CACNA1A: variants seen among roughly 807,000 people sequenced by gnomAD.
CACNA1A encodes the protein voltage-dependent P/Q-type calcium channel subunit alpha-1A.
In CACNA1A, 57 loss-of-function variants were observed where a neutral mutation model predicts 262.4. The ratio of observed to expected loss-of-function variants is 0.22; its 90% CI spans 0.18 to 0.27. The LOEUF is 0.27. CACNA1A is among the 10% of genes least tolerant of loss of function. CACNA1A has a pLI of 1.00. For synonymous variants in CACNA1A, 1,431 were observed against 1,419.3 expected (o/e 1.01, Z -0.18); for missense variants, 2,526 against 3,562.8 (o/e 0.71, Z 7.41).
intron 14 of CACNA1A, 104 bp from the exon 15 acceptor site, chr19:13,307,958 G>T: frequency 7.2e-7 from 1 of 1,389,648 alleles, no homozygotes; most frequent in Non-Finnish European, 1.0e-6. Context: ...CATCATCTCT[G>T]TCCCCAGGAA....
At chr19:13,397,050 G>A (rs1325077162) in intron 3 of CACNA1A, among the ~76,000 whole-genome samples, 1 of 152,112 alleles carries the variant, frequency 6.6e-6, no homozygotes, top group Non-Finnish European at 1.5e-5. Context: ...TCTTTAAGGA[G>A]TCTCTTCATG....
intron 22 of CACNA1A, among the ~76,000 whole-genome samples, chr19:13,282,255 C>A (rs574906622): frequency 4.6e-5 from 7 of 152,158 alleles, no homozygotes; most frequent in Non-Finnish European, 1.0e-4. Flanking sequence ...TGGGTCCTAA[C>A]CTACTTAGCC....
rs1158123738 is a variant in CACNA1A at position 13,209,367 on chromosome 19, G to A, written c.6471C>T (p.Asp2157=). The change falls in exon 45 of 47, where the codon GAC becomes GAT. Residue 2157 remains aspartate, a synonymous_variant. Transcript: ENST00000360228. ...AGCGCTCAGAGGCGCGGTGGCTGCG[G>A]TCGCGGCGCCGCTGGTGGTGCCGCT... ...ENQRHHQRRR[D]RSHRASERSL... 2.2e-6 allele frequency: 3 copies of A among 1,393,544 alleles called. No individual in the cohort carries two copies. Among genetic ancestry groups the A allele is most frequent in the Non-Finnish European group, 2.8e-6 (3 of 1,069,672 alleles). The allele number at this position is 1,393,544 out of a possible 1,614,324, so 86.3% of individuals were successfully genotyped here. A position where few individuals can be genotyped will look rare whatever the true frequency, so the allele number is the denominator to read the frequency against.
At chr19:13,461,420 G>A (rs2061122634) in intron 1 of CACNA1A, among the ~76,000 whole-genome samples, 1 of 152,092 alleles carries the variant, frequency 6.6e-6, no homozygotes, top group Non-Finnish European at 1.5e-5. Context: ...GGGGACATGG[G>A]TCCTGCTGCC....
chr19:13,284,832 T>A (rs573884885), intron 21 of CACNA1A, among the ~76,000 whole-genome samples: 1 of 152,250 alleles, frequency 6.6e-6, no homozygotes, highest in Non-Finnish European at 1.5e-5. Context: ...TTATTTATTG[T>A]CATAAATAAC....
intron 11 of CACNA1A, chr19:13,316,267 G>A (rs2058125137): frequency 6.8e-6 from 1 of 146,166 alleles, no homozygotes; most frequent in African/African-American, 2.6e-5. Context: ...CCCAGTCGCT[G>A]CTCTTGTTGA....
At chr19:13,467,572 G>C (rs2061271244) in intron 1 of CACNA1A, among the ~76,000 whole-genome samples, 1 of 151,122 alleles carries the variant, frequency 6.6e-6, no homozygotes, top group African/African-American at 2.4e-5. Context: ...GAAGTTGCTG[G>C]ATGTCAGAGG....
At chr19:13,351,349 T>C (rs1461164791) in intron 6 of CACNA1A, among the ~76,000 whole-genome samples, 1 of 152,218 alleles carries the variant, frequency 6.6e-6, no homozygotes, top group Non-Finnish European at 1.5e-5. Flanking sequence ...TATTTACTTA[T>C]GTGTTTATTT....
chr19:13,219,627 TGCCCAG>T (rs1402488707), intron 38 of CACNA1A, among the ~76,000 whole-genome samples: 1 of 152,122 alleles, frequency 6.6e-6, no homozygotes, highest in Admixed American at 6.6e-5. Flanking sequence ...TAGGGACCAT[TGCCCAG>T]GCTATGAAGG....
intron 6 of CACNA1A, among the ~76,000 whole-genome samples, chr19:13,344,573 A>G (rs1209260412): frequency 6.6e-6 from 1 of 152,086 alleles, no homozygotes; most frequent in African/African-American, 2.4e-5. Flanking sequence ...CAACTTATGC[A>G]TTTCAAGATT....
In CACNA1A at chr19:13,387,100, C is replaced by T. The variant is rs577171790; in HGVS notation, c.540-15321G>A. Among the ~76,000 whole-genome samples the T allele has an allele frequency of 5.9e-5, 9 of 152,078 alleles. No individual in the cohort carries two copies. In the South Asian group the frequency reaches 6.2e-4, roughly 11 times the overall value. Reference sequence around the variant, plus strand: ...CCGAGTAGCTGGGACTACAGGCGTGCGCCACCACGCCTGGCTAATTTTTGT... The same window carrying T: ...CCGAGTAGCTGGGACTACAGGCGTGTGCCACCACGCCTGGCTAATTTTTGT... On this transcript the variant is annotated intron_variant, in intron 3 of 46. Transcript: ENST00000360228.
intron 34 of CACNA1A, among the ~76,000 whole-genome samples, chr19:13,234,417 T>C (rs1222164311): frequency 2.0e-5 from 3 of 150,882 alleles, no homozygotes; most frequent in Non-Finnish European, 4.4e-5. Flanking sequence ...AAGGAACTTT[T>C]GTGTGCAGCC....
At chr19:13,255,784 C>T (rs527390835) in intron 28 of CACNA1A, among the ~76,000 whole-genome samples, 4 of 108,252 alleles carry the variant, frequency 3.7e-5, no homozygotes, top group Non-Finnish European at 5.7e-5. Flanking sequence ...TCCTTTCCTT[C>T]CTTCCTCCCT....
intron 3 of CACNA1A, among the ~76,000 whole-genome samples, chr19:13,409,386 G>T (rs1397000578): frequency 6.6e-6 from 1 of 152,068 alleles, no homozygotes; most frequent in Non-Finnish European, 1.5e-5. Flanking sequence ...CTGTGTGTGT[G>T]TGTGTGTGTG....
At chr19:13,339,897 G>GAAAT (rs1314142377) in intron 6 of CACNA1A, among the ~76,000 whole-genome samples, 5 of 152,126 alleles carry the variant, frequency 3.3e-5, no homozygotes, top group African/African-American at 1.2e-4. Context: ...AACGAGCTCA[G>GAAAT]AAATGCCAAT....
intron 3 of CACNA1A, among the ~76,000 whole-genome samples, chr19:13,412,996 A>G (rs1482168158): frequency 6.6e-6 from 1 of 152,082 alleles, no homozygotes; most frequent in African/African-American, 2.4e-5. Context: ...CACGCCTGTA[A>G]TCCCAAGGCT....
chr19:13,455,131 G>T lies in CACNA1A; in HGVS notation c.375C>A (p.Asp125Glu). 6.2e-7 allele frequency: 1 copy of T among 1,610,198 alleles called. No individual in the cohort carries two copies. The highest frequency in any genetic ancestry group is 2.2e-5 in the East Asian group (1 of 44,850). The part of the protein sequence containing the change: ...LALEQHLPDD[D>E]KTPMSERLDD... ...CCAGCCGTTCAGACATCGGGGTCTT[G>T]TCATCATCAGGCAGATGCTGCTCCA... Residue 125 changes from aspartate to glutamate, a missense_variant, in exon 2 of 47, where the codon GAC becomes GAA. Coordinates refer to ENST00000360228, the MANE Select transcript of CACNA1A (RefSeq NM_001127222.2).
chr19:13,397,743 G>C (rs1309336029), intron 3 of CACNA1A, among the ~76,000 whole-genome samples: 1 of 152,224 alleles, frequency 6.6e-6, no homozygotes, highest in African/African-American at 2.4e-5. Flanking sequence ...CGCCATGTAA[G>C]CTCTAGCCAG....
chr19:13,308,399 G>A lies in CACNA1A; in HGVS notation c.1781+17C>T, dbSNP rs1401119153. The A allele has an allele frequency of 1.8e-5, 28 of 1,591,856 alleles. No homozygotes were observed. Among genetic ancestry groups the A allele is most frequent in the Non-Finnish European group, 2.3e-5 (27 of 1,164,204 alleles). ...CCCCACCCCCTGTACAAATGTCCAG[G>A]AACCCCAAAGACTTACTTTGTGACT... is the stretch of plus-strand genomic sequence containing the variant. On this transcript the variant is annotated intron_variant, in intron 13 of 46. Coordinates refer to ENST00000360228, the MANE Select transcript of CACNA1A (RefSeq NM_001127222.2). The surrounding 1 kb of genome is among the most constrained non-coding windows in gnomAD (Gnocchi z 4.2).
Sources: allele counts gnomAD v4.1 joint callset (sites outside exome capture counted in the v4.1 genomes callset), GRCh38; gene constraint gnomAD v4.1.1; non-coding constraint Gnocchi (gnomAD v3.1); transcripts MANE v1.5; gene names NCBI Gene and HGNC (gene_info 2026-07-23, HGNC 2026-07-21).